Variants in PCDHA4 observed in about 807,000 individuals in gnomAD.
The protein encoded by PCDHA4 is protocadherin alpha 4, also known as protocadherin alpha-4.
Under a neutral mutation model 61.4 loss-of-function variants are expected in PCDHA4, and 49 were observed. That is an observed-to-expected ratio of 0.80 (90% CI 0.63 to 1.01). The LOEUF is 1.01. PCDHA4 is among the 50% of genes least tolerant of loss of function. The pLI, the probability that PCDHA4 is intolerant of heterozygous loss-of-function variation, is 0.00. For missense variants in PCDHA4, 1,254 were observed against 1,235.8 expected (o/e 1.01, Z -0.22); for synonymous variants, 590 against 550.3 (o/e 1.07, Z -1.01).
chr5:140,831,896 C>T (rs1408424935), intron 1 of PCDHA4, among the ~76,000 whole-genome samples: 1 of 152,054 alleles, frequency 6.6e-6, no homozygotes, highest in African/African-American at 2.4e-5. Context: ...CTGTGTTTGC[C>T]AAATAGCAAG....
rs2150422105 is a variant in PCDHA4 at position 140,848,832 on chromosome 5, C to G, written c.2385+39260C>G. On this transcript the variant is annotated intron_variant, in intron 1 of 3. Transcript: ENST00000530339. ...CCACCTGGAGGTGATCGTAGACAGG[C>G]CGCTGCAGGTTTTCCATGTGGACGT... is the stretch of plus-strand genomic sequence containing the variant. 3.8e-6 allele frequency: 6 copies of G among 1,590,118 alleles called. 1 individual carries two copies. Among genetic ancestry groups the G allele is most frequent in the Non-Finnish European group, 5.2e-6 (6 of 1,161,950 alleles).
At chr5:140,925,108 G>GGAAGGAA (rs1554202548) in intron 1 of PCDHA4, among the ~76,000 whole-genome samples, 42 of 124,700 alleles carry the variant, frequency 3.4e-4, no homozygotes, top group African/African-American at 1.4e-3. Context: ...GAAGGAAGGA[G>GGAAGGAA]GGAAGGAAGG....
chr5:140,942,108 A>C (rs2093230471), intron 1 of PCDHA4, among the ~76,000 whole-genome samples: 1 of 152,238 alleles, frequency 6.6e-6, no homozygotes. Context: ...TCATATAATC[A>C]AACTTTATTA....
chr5:140,852,691 T>A, intron 1 of PCDHA4: 2 of 974,798 alleles, frequency 2.1e-6, no homozygotes, highest in Non-Finnish European at 2.5e-6. Flanking sequence ...TATAGTCTTA[T>A]ACTTTCAAGT....
intron 1 of PCDHA4, among the ~76,000 whole-genome samples, chr5:140,962,568 A>G (rs915587591): frequency 6.6e-6 from 1 of 152,222 alleles, no homozygotes; most frequent in Non-Finnish European, 1.5e-5. Context: ...CTAAAAGCCA[A>G]TTGTTAATGC....
At chr5:140,898,366 A>G (rs1401153740) in intron 1 of PCDHA4, among the ~76,000 whole-genome samples, 1 of 152,132 alleles carries the variant, frequency 6.6e-6, no homozygotes, top group Non-Finnish European at 1.5e-5. Flanking sequence ...TAATTTTTGT[A>G]TAAGGTGTAA....
Position 140,836,232 on chromosome 5 carries a change from G to T in PCDHA4, c.2385+26660G>T. 4 of 1,613,788 alleles carry T rather than the reference G, an allele frequency of 2.5e-6. No homozygotes were observed. In the South Asian group the frequency reaches 3.3e-5, roughly 13 times the overall value. On this transcript the variant is annotated intron_variant, in intron 1 of 3. Transcript: ENST00000530339. ...GTATGAGTTGCAACCGGTGGCGGCCGGTGCGAGCATCCCGTTCCGCGTGGG... is the reference window on the plus strand; with the variant it reads ...GTATGAGTTGCAACCGGTGGCGGCCTGTGCGAGCATCCCGTTCCGCGTGGG...
At chr5:140,850,840 C>T (rs2150500104) in intron 1 of PCDHA4, 1 of 1,597,492 alleles carries the variant, frequency 6.3e-7, no homozygotes, top group Admixed American at 1.7e-5. Flanking sequence ...TGTGCTGGAT[C>T]TACAGAGCGA....
intron 1 of PCDHA4, chr5:140,875,349 C>G: frequency 6.9e-7 from 1 of 1,444,894 alleles, no homozygotes; most frequent in Non-Finnish European, 9.1e-7. Flanking sequence ...TCCATAATGA[C>G]TGTGATGCTG....
rs2150424044 is a variant in PCDHA4, at chr5:140,848,904, C to G, written c.2385+39332C>G. ...CAACCCTCCAGTGTTCCCAGCGACACAAAAGAATCTGTTCATCGCGGAATC... is the reference window on the plus strand; with the variant it reads ...CAACCCTCCAGTGTTCCCAGCGACAGAAAAGAATCTGTTCATCGCGGAATC... On this transcript the variant is annotated intron_variant, in intron 1 of 3. Coordinates refer to ENST00000530339, the MANE Select transcript of PCDHA4 (RefSeq NM_018907.4). 1 of 1,608,060 alleles carries G rather than the reference C, an allele frequency of 6.2e-7. No individual in the cohort carries two copies. Among genetic ancestry groups the G allele is most frequent in the Non-Finnish European group, 8.5e-7 (1 of 1,176,922 alleles).
Position 140,982,534 on chromosome 5 carries a change from A to G in PCDHA4, c.2504A>G (p.Gln835Arg), listed in dbSNP as rs1554244431. Residue 835 changes from glutamine (Q) to arginine (R), a missense_variant, in exon 3 of 4, where the codon CAG becomes CGG. By Grantham distance (43) the Gln-to-Arg change is conservative. Transcript: ENST00000530339. ...GCTGGTCCAGGAGGGCCTGATCAGC[A>G]GTGGCCAACAGTATCCAGTGCAACA... ...LRAGPGGPDQ[Q>R]WPTVSSATPE... 1 of 1,614,222 alleles carries G rather than the reference A, an allele frequency of 6.2e-7. No homozygotes were observed. Among genetic ancestry groups the G allele is most frequent in the Non-Finnish European group, 8.5e-7 (1 of 1,180,036 alleles).
At position 140,884,044 on chromosome 5, in the gene PCDHA4, G is replaced by T. The variant is rs374333847; in HGVS notation, c.2385+74472G>T. On this transcript the variant is annotated intron_variant, in intron 1 of 3. Coordinates refer to ENST00000530339, the MANE Select transcript of PCDHA4 (RefSeq NM_018907.4). ...CGGTGGGTGCAGGCCACGTGGTGGC[G>T]AAGGTGCGCGCGGTGGACGCCGATT... 2.5e-6 allele frequency: 4 copies of T among 1,613,476 alleles called. No homozygotes were observed. In the South Asian group the frequency reaches 3.3e-5, roughly 13 times the overall value.
rs144422081 is a variant in PCDHA4 at position 140,808,638 on chromosome 5, C to A, written c.1451C>A (p.Ala484Glu). 1.9e-3 allele frequency: 3,056 copies of A among 1,613,424 alleles called. 55 individuals carry two copies. In the African/African-American group the frequency reaches 0.036, roughly 19 times the overall value. The change falls in exon 1 of 4, where the codon GCG becomes GAG. Residue 484 changes from alanine to glutamate, a missense_variant. By Grantham distance (107) the Ala-to-Glu change is moderately radical. Transcript: ENST00000530339. ...ACTGTGTCTGCGTGGGACGCGGACGCGCAGGAGAACGCGCTGGTGTCCTAC... is the reference window on the plus strand; with the variant it reads ...ACTGTGTCTGCGTGGGACGCGGACGAGCAGGAGAACGCGCTGGTGTCCTAC... The part of the protein sequence containing the change: ...IFTVSAWDAD[A>E]QENALVSYSL...
At chr5:140,823,929 C>A (rs2150130451) in intron 1 of PCDHA4, 1 of 1,613,958 alleles carries the variant, frequency 6.2e-7, no homozygotes, top group Non-Finnish European at 8.5e-7. Flanking sequence ...TGCTGTACAC[C>A]GCGCTGCGGT....
intron 1 of PCDHA4, chr5:140,810,079 A>G (rs1764597643): frequency 6.5e-6 from 1 of 153,852 alleles, no homozygotes; most frequent in Non-Finnish European, 1.4e-5. Context: ...ACGTTATCTA[A>G]TTGGACTTGC....
At chr5:140,890,995 AATTATTG>A (rs2062893933) in intron 1 of PCDHA4, among the ~76,000 whole-genome samples, 1 of 152,138 alleles carries the variant, frequency 6.6e-6, no homozygotes, top group Non-Finnish European at 1.5e-5. Context: ...ATTTCATCAT[AATTATTG>A]AAAAGCATTT....
intron 1 of PCDHA4, chr5:140,823,980 G>T (rs2150131135): frequency 1.9e-6 from 3 of 1,614,052 alleles, no homozygotes; most frequent in East Asian, 2.2e-5. Flanking sequence ...CACGGGGCAA[G>T]CCCACTCTGT....
chr5:140,869,450 T>C, intron 1 of PCDHA4: 1 of 1,614,098 alleles, frequency 6.2e-7, no homozygotes, highest in Non-Finnish European at 8.5e-7. Flanking sequence ...CCGCTGCAGG[T>C]TTTCCATGTG....
intron 1 of PCDHA4, chr5:140,869,386 C>T: frequency 6.2e-7 from 1 of 1,614,176 alleles, no homozygotes; most frequent in Non-Finnish European, 8.5e-7. Context: ...CCGCGAGGAG[C>T]TGTGCGGGCA....
Sources: gnomAD v4.1 joint callset for allele counts (sites outside exome capture counted in the v4.1 genomes callset) on GRCh38, gnomAD v4.1.1 for gene constraint, MANE v1.5 for transcripts, NCBI Gene and HGNC (gene_info 2026-07-23, HGNC 2026-07-21) for gene names.